Variants in TMEM143 observed in about 807,000 individuals in gnomAD.
TMEM143 encodes the protein transmembrane protein 143.
In TMEM143, 45 loss-of-function variants were observed where a neutral mutation model predicts 40.3. That is an observed-to-expected ratio of 1.12 (90% CI 0.88 to 1.43). The LOEUF is 1.43. TMEM143 is among the 40% of genes most tolerant of loss of function. The probability of loss-of-function intolerance (pLI) is 0.00; values close to 1 mark genes in which losing one functional copy is unlikely to be tolerated. For synonymous variants in TMEM143, 299 were observed against 282.7 expected (o/e 1.06, Z -0.58); for missense variants, 620 against 613.4 (o/e 1.01, Z -0.11).
chr19:48,356,123 C>CTT (rs1350695094), intron 3 of TMEM143, among the ~76,000 whole-genome samples: 1 of 144,058 alleles, frequency 6.9e-6, no homozygotes, highest in African/African-American at 2.5e-5. Flanking sequence ...CTTTTTTTTT[C>CTT]TTTTTTTTTT....
intron 5 of TMEM143, 87 bp from the exon 6 acceptor site, chr19:48,342,896 C>A: frequency 3.5e-5 from 49 of 1,387,746 alleles, no homozygotes; most frequent in Non-Finnish European, 4.3e-5. Flanking sequence ...CACTCTGGCT[C>A]TACAGTCGCA....
Position 48,333,220 on chromosome 19 carries a change from C to T in TMEM143, c.1379G>A (p.Ter460=), listed in dbSNP as rs1569020724. The T allele has an allele frequency of 6.8e-7, 1 of 1,481,226 alleles. No individual in the cohort carries two copies. Among genetic ancestry groups the T allele is most frequent in the Non-Finnish European group, 9.1e-7 (1 of 1,102,544 alleles). 91.8% of individuals were successfully genotyped at this position (1,481,226 alleles called of 1,614,324 possible). The change falls in exon 8 of 8, where the codon TGA becomes TAA. Residue 460 remains the stop codon, a stop_retained_variant. Coordinates refer to ENST00000293261, the MANE Select transcript of TMEM143 (RefSeq NM_018273.4). The surrounding 1 kb of genome is among the most constrained non-coding windows in gnomAD (Gnocchi z 4.1). ...PQATPSSNIS[*] is the part of the protein sequence containing the mutation. Reference sequence around the variant, plus strand: ...ACTGGGCAGGGAGGTAGGTTCTACTCAGGAGATGTTACTGCTGGGCGTGGC... The same window carrying T: ...ACTGGGCAGGGAGGTAGGTTCTACTTAGGAGATGTTACTGCTGGGCGTGGC...
intron 6 of TMEM143, among the ~76,000 whole-genome samples, 197 bp from the exon 7 acceptor site, chr19:48,334,394 TTTTC>T (rs1349278140): frequency 1.4e-5 from 2 of 147,732 alleles, no homozygotes; most frequent in African/African-American, 5.0e-5. Context: ...GGGGTCTGTC[TTTTC>T]TTTTTCTTTC....
chr19:48,339,474 G>A (rs961296435), intron 6 of TMEM143, among the ~76,000 whole-genome samples: 19 of 152,160 alleles, frequency 1.2e-4, no homozygotes, highest in Non-Finnish European at 5.9e-5. Flanking sequence ...CCCTTATCCC[G>A]CAGTGGGGCT....
intron 3 of TMEM143, among the ~76,000 whole-genome samples, chr19:48,358,889 C>A (rs2147387137): frequency 1.3e-5 from 2 of 152,172 alleles, no homozygotes; most frequent in South Asian, 2.1e-4. Context: ...AGGTCCTCGG[C>A]CTGGCACAGT....
chr19:48,336,714 G>A (rs1312671760), intron 6 of TMEM143, among the ~76,000 whole-genome samples: 3 of 150,962 alleles, frequency 2.0e-5, no homozygotes, highest in African/African-American at 4.9e-5. Flanking sequence ...AAAAAAAAGC[G>A]GTCGGGCGCA....
At chr19:48,358,123 C>T (rs1600925678) in intron 3 of TMEM143, among the ~76,000 whole-genome samples, 1 of 152,118 alleles carries the variant, frequency 6.6e-6, no homozygotes, top group East Asian at 1.9e-4. Flanking sequence ...CGGTGGCTCA[C>T]GTCTGTAATC....
intron 3 of TMEM143, among the ~76,000 whole-genome samples, chr19:48,347,270 T>C (rs1282065468): frequency 6.6e-6 from 1 of 152,116 alleles, no homozygotes; most frequent in Middle Eastern, 3.2e-3. Context: ...AGGGGTCCTA[T>C]GAAGCAGCTT....
chr19:48,363,387 C>T lies in TMEM143; in HGVS notation c.168G>A (p.Lys56=), dbSNP rs776874860. Residue 56 remains lysine, a synonymous_variant, in exon 2 of 8, where the codon AAG becomes AAA. Coordinates refer to ENST00000293261, the MANE Select transcript of TMEM143 (RefSeq NM_018273.4). ...SLAAKMGEYR[K]MWNPREPRDW... is the part of the protein sequence containing the mutation. ...CGCGGGGCTCCCTGGGGTTCCACAT[C>T]TTGCGATACTCCCCCATTTTGGCTG... 3.7e-6 allele frequency: 6 copies of T among 1,614,214 alleles called. No individual in the cohort carries two copies. Among genetic ancestry groups the T allele is most frequent in the Non-Finnish European group, 4.2e-6 (5 of 1,180,042 alleles).
rs370206400 is a variant in TMEM143 at position 48,357,519 on chromosome 19, A to T, written c.369+2553T>A. ...CAGGCGCCCGCCACCACGCCCGGCTAATTTTTTTTTGTATTTTTAGTAGAG... is the reference window on the plus strand; with the variant it reads ...CAGGCGCCCGCCACCACGCCCGGCTTATTTTTTTTTGTATTTTTAGTAGAG... On this transcript the variant is annotated intron_variant, in intron 3 of 7. Transcript: ENST00000293261. Among the ~76,000 whole-genome samples the T allele has an allele frequency of 9.3e-5, 14 of 150,096 alleles. No individual in the cohort carries two copies. In the South Asian group the frequency reaches 3.0e-3, roughly 32 times the overall value.
intron 2 of TMEM143, chr19:48,360,532 C>G (rs1208889263): frequency 4.1e-6 from 1 of 243,340 alleles, no homozygotes; most frequent in African/African-American, 2.5e-5. Flanking sequence ...GAGTCGAGAT[C>G]GTGCCACTGC....
rs1281027375 is a variant in TMEM143, at chr19:48,333,037, CTT to C, written c.*180_*181del. The C allele has an allele frequency of 3.9e-5, 17 of 441,188 alleles. No homozygotes were observed. Among genetic ancestry groups the C allele is most frequent in the Middle Eastern group, 6.0e-4 (1 of 1,676 alleles). The allele number at this position is 441,188 out of a possible 1,614,324, so 27.3% of individuals were successfully genotyped here. ...CTGTTCATCGAAGGGGCGGGGAAGA[CTT>C]AACAACTGCTAGCTGCTTTGATTGG... On this transcript the variant is annotated 3_prime_UTR_variant, in exon 8 of 8. Transcript: ENST00000293261. This position sits in a 1 kb window ranked among gnomAD's most constrained non-coding sequence, Gnocchi z 4.1.
At chr19:48,352,884 T>TA (rs1220350770) in intron 3 of TMEM143, among the ~76,000 whole-genome samples, 5 of 152,230 alleles carry the variant, frequency 3.3e-5, no homozygotes, top group Admixed American at 1.3e-4. Flanking sequence ...CCCAAAGTGT[T>TA]AGAGTTACAG....
intron 3 of TMEM143, among the ~76,000 whole-genome samples, chr19:48,351,194 TC>T (rs1969765341): frequency 6.6e-6 from 1 of 152,052 alleles, no homozygotes; most frequent in African/African-American, 2.4e-5. Context: ...CCAAACCTGC[TC>T]CTCTCAGCCT....
intron 3 of TMEM143, among the ~76,000 whole-genome samples, chr19:48,351,970 G>A (rs573871604): frequency 9.2e-5 from 14 of 152,022 alleles, no homozygotes; most frequent in Admixed American, 5.2e-4. Flanking sequence ...GTCTGCAGCC[G>A]GGCGCGGTGG....
chr19:48,348,973 T>G (rs1401690911), intron 3 of TMEM143, among the ~76,000 whole-genome samples: 1 of 151,954 alleles, frequency 6.6e-6, no homozygotes, highest in Non-Finnish European at 1.5e-5. Flanking sequence ...CCCAGGAGTT[T>G]GAAACCAGCC....
intron 6 of TMEM143, 40 bp from the exon 7 acceptor site, chr19:48,334,237 G>C (rs1414121977): frequency 6.5e-7 from 1 of 1,548,580 alleles, no homozygotes; most frequent in Non-Finnish European, 8.7e-7. Context: ...AGTTCGGGGT[G>C]CGCCCCCACC....
chr19:48,359,473 A>G (rs1030360210), intron 3 of TMEM143, among the ~76,000 whole-genome samples: 6 of 58,372 alleles, frequency 1.0e-4, no homozygotes, highest in Non-Finnish European at 1.4e-4. Flanking sequence ...TTCCCCACCC[A>G]CCCCGTCTGA....
chr19:48,352,550 G>A (rs891444329), intron 3 of TMEM143, among the ~76,000 whole-genome samples: 10 of 151,774 alleles, frequency 6.6e-5, no homozygotes, highest in African/African-American at 2.4e-4. Flanking sequence ...CGAGGCGGGC[G>A]GATCACTTGA....
Sources: gnomAD v4.1 joint callset for allele counts (sites outside exome capture counted in the v4.1 genomes callset) on GRCh38, gnomAD v4.1.1 for gene constraint, Gnocchi (gnomAD v3.1) non-coding constraint, MANE v1.5 for transcripts, NCBI Gene and HGNC (gene_info 2026-07-23, HGNC 2026-07-21) for gene names.